SAMMSON: variants seen among roughly 807,000 people sequenced by gnomAD.
The protein encoded by SAMMSON is survival associated mitochondrial melanoma specific oncogenic non-coding RNA.
At chr3:70,110,206 G>C in intron 4 of SAMMSON, among the ~76,000 whole-genome samples, 1 of 152,216 alleles carries the variant, frequency 6.6e-6, no homozygotes, top group South Asian at 2.1e-4. Context: ...TACTCTGTAA[G>C]ATACTCCAGG....
At chr3:70,178,186 T>C (rs1701022882) in intron 4 of SAMMSON, among the ~76,000 whole-genome samples, 1 of 152,142 alleles carries the variant, frequency 6.6e-6, no homozygotes, top group South Asian at 2.1e-4. Flanking sequence ...CAGGCTCTTC[T>C]CTAATGCCAG....
intron 9 of SAMMSON, among the ~76,000 whole-genome samples, chr3:70,371,611 A>G (rs1471902511): frequency 6.6e-6 from 1 of 151,852 alleles, no homozygotes; most frequent in Non-Finnish European, 1.5e-5. Flanking sequence ...TTGTAAATGT[A>G]TTGCCTTCTT....
chr3:70,318,459 A>G (rs1301537430), intron 7 of SAMMSON, among the ~76,000 whole-genome samples: 1 of 102,022 alleles, frequency 9.8e-6, no homozygotes, highest in African/African-American at 3.3e-5. Flanking sequence ...GAGAATTAAC[A>G]TTTTGTGTGT....
intron 1 of SAMMSON, among the ~76,000 whole-genome samples, chr3:70,007,562 A>G (rs2066933279): frequency 6.6e-6 from 1 of 151,788 alleles, no homozygotes; most frequent in South Asian, 2.1e-4. Flanking sequence ...TCAGATGAGT[A>G]GACTGCAAAA....
intron 4 of SAMMSON, among the ~76,000 whole-genome samples, chr3:70,124,742 G>A (rs893856489): frequency 5.4e-5 from 8 of 148,108 alleles, no homozygotes; most frequent in Non-Finnish European, 3.0e-5. Flanking sequence ...GTGAACCCGG[G>A]AGGCAGAGCT....
At chr3:70,293,045 CAAAAAAAAAAAA>C (rs55990203) in intron 7 of SAMMSON, among the ~76,000 whole-genome samples, 3 of 74,782 alleles carry the variant, frequency 4.0e-5, no homozygotes, top group Admixed American at 1.7e-4. Context: ...TGGTTTGAAG[CAAAAAAAAAAAA>C]AAAAAAAAAA....
intron 9 of SAMMSON, among the ~76,000 whole-genome samples, chr3:70,370,278 A>T (rs1702955841): frequency 6.6e-6 from 1 of 151,952 alleles, no homozygotes; most frequent in Non-Finnish European, 1.5e-5. Context: ...AAACATGTGG[A>T]TGTAGGTATC....
At chr3:70,141,697 A>G (rs1022014357) in intron 4 of SAMMSON, among the ~76,000 whole-genome samples, 1 of 152,168 alleles carries the variant, frequency 6.6e-6, no homozygotes, top group African/African-American at 2.4e-5. Flanking sequence ...ATTATTTCCC[A>G]TGATCCTTTG....
chr3:70,412,983 G>A (rs1226028554), intron 2 of SAMMSON, among the ~76,000 whole-genome samples: 1 of 152,112 alleles, frequency 6.6e-6, no homozygotes, highest in African/African-American at 2.4e-5. Context: ...TTATTTTGTT[G>A]TTGTTGTTTT....
chr3:70,165,624 T>C (rs748837959), intron 4 of SAMMSON, among the ~76,000 whole-genome samples: 1 of 152,016 alleles, frequency 6.6e-6, no homozygotes, highest in Non-Finnish European at 1.5e-5. Context: ...ACCTAAGACA[T>C]AGAGGAAGTT....
intron 4 of SAMMSON, among the ~76,000 whole-genome samples, chr3:70,114,299 C>G (rs765728593): frequency 7.9e-5 from 12 of 152,140 alleles, no homozygotes; most frequent in African/African-American, 2.9e-4. Flanking sequence ...TAGATTACCC[C>G]GTGTGTACAA....
chr3:70,210,391 G>C (rs1353224145), intron 4 of SAMMSON, among the ~76,000 whole-genome samples: 1 of 151,960 alleles, frequency 6.6e-6, no homozygotes, highest in Admixed American at 6.6e-5. Context: ...AAAATCATCT[G>C]ACATACACAC....
chr3:70,339,934 G>T (rs1702697821), intron 7 of SAMMSON, among the ~76,000 whole-genome samples: 1 of 152,078 alleles, frequency 6.6e-6, no homozygotes, highest in Admixed American at 6.6e-5. Context: ...AAATCATGCT[G>T]CTATAAAGAC....
At chr3:70,119,211 C>T (rs149719182) in intron 4 of SAMMSON, among the ~76,000 whole-genome samples, 1,880 of 152,114 alleles carry the variant, frequency 0.012, 38 homozygotes, top group African/African-American at 0.043. Flanking sequence ...GGATTACAGG[C>T]GCCCGCCACC....
At chr3:70,250,438 CACACACACACACAA>C (rs1017595406) in intron 6 of SAMMSON, among the ~76,000 whole-genome samples, 3 of 128,188 alleles carry the variant, frequency 2.3e-5, no homozygotes, top group Non-Finnish European at 5.4e-5. Flanking sequence ...CACACACACA[CACACACACACACAA>C]ACACAAACCT....
chr3:70,304,994 C>A (rs1175679261), intron 7 of SAMMSON, among the ~76,000 whole-genome samples: 2 of 152,046 alleles, frequency 1.3e-5, no homozygotes, highest in Non-Finnish European at 2.9e-5. Flanking sequence ...GAATGCTTTT[C>A]CCAGATTTTT....
At chr3:70,200,348 A>G (rs1053798882) in intron 4 of SAMMSON, among the ~76,000 whole-genome samples, 9 of 152,168 alleles carry the variant, frequency 5.9e-5, no homozygotes, top group Admixed American at 6.5e-5. Flanking sequence ...AAGCCCTTGC[A>G]TGATTGGATT....
intron 6 of SAMMSON, among the ~76,000 whole-genome samples, chr3:70,280,510 A>T (rs1464032603): frequency 6.6e-6 from 1 of 152,084 alleles, no homozygotes; most frequent in Non-Finnish European, 1.5e-5. Context: ...TTTCTAGGGG[A>T]GCTGAGCTGA....
chr3:70,397,385 A>G (rs1473622699), intron 2 of SAMMSON, among the ~76,000 whole-genome samples: 1 of 151,994 alleles, frequency 6.6e-6, no homozygotes, highest in Non-Finnish European at 1.5e-5. Flanking sequence ...GCTCACTTCA[A>G]CCTCTGGCTC....
Sources: gnomAD v4.1 joint callset for allele counts (sites outside exome capture counted in the v4.1 genomes callset) on GRCh38, gnomAD v4.1.1 for gene constraint, MANE v1.5 for transcripts, NCBI Gene and HGNC (gene_info 2026-07-23, HGNC 2026-07-21) for gene names.